The following SSH2 variants were observed in gnomAD, a reference collection of about 807,000 sequenced individuals.
The protein encoded by SSH2 is slingshot protein phosphatase 2.
In SSH2, 37 loss-of-function variants were observed where a neutral mutation model predicts 135.2. The ratio of observed to expected loss-of-function variants is 0.27; its 90% CI spans 0.21 to 0.36. SSH2 has a LOEUF of 0.36. Among genes scored for constraint, SSH2 ranks in the 10% least tolerant of loss-of-function variants. The pLI is 1.00. For synonymous variants in SSH2, 628 were observed against 646.2 expected (o/e 0.97, Z 0.43); for missense variants, 1,408 against 1,765.3 (o/e 0.80, Z 3.63).
chr17:29,662,022 T>C (rs1367276100), intron 11 of SSH2, among the ~76,000 whole-genome samples: 1 of 152,152 alleles, frequency 6.6e-6, no homozygotes, highest in African/African-American at 2.4e-5. Flanking sequence ...GCAGACCCAA[T>C]TTCCCCCCCG....
Position 29,733,037 on chromosome 17 carries a change from GT to G in SSH2, c.189-29976del, listed in dbSNP as rs1488106996. 2.0e-5 allele frequency among the ~76,000 whole-genome samples: 3 copies of G among 152,262 alleles called. No homozygotes were observed. In the East Asian group the frequency reaches 5.8e-4, roughly 29 times the overall value. ...CTCCTGGGAAATGGAAAAAAAACAG[GT>G]TTTCAACCTGGGAATCATCATTGTA... On this transcript the variant is annotated intron_variant, in intron 3 of 15. Coordinates refer to ENST00000540801, the MANE Select transcript of SSH2 (RefSeq NM_001282129.2).
At chr17:29,899,553 C>T (rs1337011516) in intron 1 of SSH2, among the ~76,000 whole-genome samples, 1 of 152,174 alleles carries the variant, frequency 6.6e-6, no homozygotes, top group East Asian at 1.9e-4. Context: ...AATAAAATAC[C>T]TAGGAATCCA....
intron 3 of SSH2, among the ~76,000 whole-genome samples, chr17:29,728,892 A>C (rs1160845133): frequency 6.6e-6 from 1 of 152,236 alleles, no homozygotes; most frequent in Non-Finnish European, 1.5e-5. Context: ...ATACAAAGTC[A>C]AATCAAAATG....
intron 5 of SSH2, among the ~76,000 whole-genome samples, chr17:29,693,397 C>T (rs1266128492): frequency 1.3e-5 from 2 of 152,138 alleles, no homozygotes; most frequent in Non-Finnish European, 2.9e-5. Flanking sequence ...CTGCAACCAC[C>T]GCCTCTTGGG....
chr17:29,726,812 A>C (rs944214249), intron 3 of SSH2, among the ~76,000 whole-genome samples: 14 of 152,212 alleles, frequency 9.2e-5, no homozygotes, highest in Admixed American at 9.2e-4. Flanking sequence ...AAAAAGGTCT[A>C]TTTACATGGC....
chr17:29,631,068 C>A lies in SSH2; in HGVS notation c.4126G>T (p.Glu1376Ter). 2 of 1,614,244 alleles carry A rather than the reference C, an allele frequency of 1.2e-6. No individual in the cohort carries two copies. Among genetic ancestry groups the A allele is most frequent in the East Asian group, 2.2e-5 (1 of 44,888 alleles). ...VERPLVQYAK[E>*]FGSSQQYLLP... ...AAATACTGCTGACTAGAACCAAATT[C>A]TTTGGCATACTGCACAAGGGGCCTC... Residue 1376 changes from glutamate (E) to a stop codon, truncating the protein, a stop_gained, in exon 16 of 16, where the codon GAA becomes TAA. Transcript: ENST00000540801. LOFTEE classifies it high-confidence loss of function.
chr17:29,760,027 C>T (rs1013376837), intron 3 of SSH2, among the ~76,000 whole-genome samples: 2 of 151,834 alleles, frequency 1.3e-5, no homozygotes, highest in Non-Finnish European at 2.9e-5. Flanking sequence ...GACTTTTTTT[C>T]TATTTTTTTA....
At chr17:29,769,624 C>T (rs966332078) in intron 3 of SSH2, among the ~76,000 whole-genome samples, 5 of 152,102 alleles carry the variant, frequency 3.3e-5, no homozygotes, top group African/African-American at 1.2e-4. Context: ...GATGGCATCA[C>T]CATCATCTTA....
intron 14 of SSH2, among the ~76,000 whole-genome samples, chr17:29,646,305 G>A (rs770254799): frequency 1.3e-5 from 2 of 152,100 alleles, no homozygotes; most frequent in Admixed American, 6.5e-5. Flanking sequence ...ACCGATATAG[G>A]AAGACATTCA....
At chr17:29,746,731 T>C (rs949450421) in intron 3 of SSH2, among the ~76,000 whole-genome samples, 1 of 152,108 alleles carries the variant, frequency 6.6e-6, no homozygotes, top group Non-Finnish European at 1.5e-5. Context: ...TTGTAAGTGA[T>C]ATTTATTTAA....
At chr17:29,657,372 C>T (rs2036826219) in intron 11 of SSH2, among the ~76,000 whole-genome samples, 3 of 149,540 alleles carry the variant, frequency 2.0e-5, no homozygotes, top group South Asian at 2.1e-4. Context: ...GGGGTTCAAG[C>T]GATTCTCCTG....
intron 15 of SSH2, among the ~76,000 whole-genome samples, chr17:29,634,063 A>G (rs2035794590): frequency 6.6e-6 from 1 of 152,212 alleles, no homozygotes; most frequent in Admixed American, 6.5e-5. Flanking sequence ...GGGACTTTGC[A>G]GAAAGGCTAT....
chr17:29,804,466 C>T (rs568536185), intron 2 of SSH2, among the ~76,000 whole-genome samples: 4 of 152,152 alleles, frequency 2.6e-5, no homozygotes, highest in Non-Finnish European at 5.9e-5. Flanking sequence ...CATCACAGTC[C>T]AGTCAATGCC....
At chr17:29,675,734 GA>G (rs2037683711) in intron 8 of SSH2, 1 of 153,018 alleles carries the variant, frequency 6.5e-6, no homozygotes, top group Non-Finnish European at 1.5e-5. Flanking sequence ...CCAGGAGTTG[GA>G]GGCTGCCATA....
At chr17:29,727,197 A>G (rs2040031218) in intron 3 of SSH2, among the ~76,000 whole-genome samples, 1 of 152,222 alleles carries the variant, frequency 6.6e-6, no homozygotes, top group African/African-American at 2.4e-5. Context: ...ATAAGTTCTG[A>G]AACTACCATT....
At chr17:29,899,262 T>C (rs1599162253) in intron 1 of SSH2, among the ~76,000 whole-genome samples, 1 of 151,876 alleles carries the variant, frequency 6.6e-6, no homozygotes, top group East Asian at 1.9e-4. Flanking sequence ...CAACATAGTG[T>C]TGGAAGTTCT....
chr17:29,664,202 T>C (rs1017209880), intron 11 of SSH2, among the ~76,000 whole-genome samples: 1 of 151,922 alleles, frequency 6.6e-6, no homozygotes, highest in African/African-American at 2.4e-5. Flanking sequence ...TGAAATCCCG[T>C]CTCTACTAAA....
intron 2 of SSH2, among the ~76,000 whole-genome samples, chr17:29,798,711 T>C (rs1329860330): frequency 1.3e-5 from 2 of 152,210 alleles, no homozygotes; most frequent in African/African-American, 4.8e-5. Context: ...AGACAGCATT[T>C]GAACCTTACT....
chr17:29,826,733 C>T (rs1349336311), intron 2 of SSH2, among the ~76,000 whole-genome samples: 1 of 152,150 alleles, frequency 6.6e-6, no homozygotes, highest in Non-Finnish European at 1.5e-5. Flanking sequence ...AGACCTATAT[C>T]CATCTCTCAA....
Sources: allele counts gnomAD v4.1 joint callset (sites outside exome capture counted in the v4.1 genomes callset), GRCh38; gene constraint gnomAD v4.1.1; transcripts MANE v1.5; gene names NCBI Gene and HGNC (gene_info 2026-07-23, HGNC 2026-07-21).